Variants in CSNK1D observed in about 807,000 individuals in gnomAD.
CSNK1D encodes casein kinase I isoform delta.
In CSNK1D, 16 loss-of-function variants were observed where a neutral mutation model predicts 46.6. The ratio of observed to expected loss-of-function variants is 0.34; its 90% CI spans 0.23 to 0.52. CSNK1D has a LOEUF of 0.52. CSNK1D is among the 20% of genes least tolerant of loss of function. The probability of loss-of-function intolerance (pLI) is 0.95; values close to 1 mark genes in which losing one functional copy is unlikely to be tolerated. For missense variants in CSNK1D, 398 were observed against 578.4 expected (o/e 0.69, Z 3.20); for synonymous variants, 276 against 228.2 (o/e 1.21, Z -1.89).
intron 2 of CSNK1D, chr17:82,265,196 G>C (rs966100405): frequency 5.3e-6 from 1 of 190,110 alleles, no homozygotes; most frequent in African/African-American, 2.4e-5. Context: ...TTTTTTTGGG[G>C]GGGACAGGGT....
chr17:82,248,070 C>T lies in CSNK1D; in HGVS notation c.1197+805G>A. ...AGCCAGGCTCCAGGGCATTTCTGAA[C>T]TGAGTTCCTGCTCATCCGGAAGACC... On this transcript the variant is annotated intron_variant, in intron 8 of 8. Coordinates refer to ENST00000314028, the MANE Select transcript of CSNK1D (RefSeq NM_001893.6). The surrounding 1 kb of genome is among the most constrained non-coding windows in gnomAD (Gnocchi z 4.1). The T allele has an allele frequency of 3.0e-6, 3 of 985,508 alleles. No homozygotes were observed. The highest frequency in any genetic ancestry group is 3.6e-6 in the Non-Finnish European group (3 of 829,956). 61.0% of individuals were successfully genotyped at this position (985,508 alleles called of 1,614,324 possible). A position where few individuals can be genotyped will look rare whatever the true frequency, so the allele number is the denominator to read the frequency against.
intron 2 of CSNK1D, among the ~76,000 whole-genome samples, chr17:82,259,593 C>G (rs1055151265): frequency 6.6e-6 from 1 of 152,244 alleles, no homozygotes; most frequent in East Asian, 1.9e-4. Flanking sequence ...CAACTTCACA[C>G]GTAGGTGCTG....
chr17:82,270,453 C>T (rs2051590772), intron 1 of CSNK1D, among the ~76,000 whole-genome samples: 1 of 152,188 alleles, frequency 6.6e-6, no homozygotes, highest in Admixed American at 6.5e-5. Context: ...ACCAAAGTGA[C>T]AACAGTAGGA....
chr17:82,251,548 A>T lies in CSNK1D; in HGVS notation c.737-21T>A, dbSNP rs766997893. On this transcript the variant is annotated intron_variant, in intron 5 of 8. Transcript: ENST00000314028. The surrounding 1 kb of genome is among the most constrained non-coding windows in gnomAD (Gnocchi z 4.5). ...TTCGGCTACAAAACAAGAAACTCAA[A>T]GCTAACTCATGAAACCCAACTGCGA... 6.2e-7 allele frequency: 1 copy of T among 1,613,580 alleles called. No individual in the cohort carries two copies. Among genetic ancestry groups the T allele is most frequent in the Non-Finnish European group, 8.5e-7 (1 of 1,179,818 alleles).
At chr17:82,272,260 C>A (rs2051644916) in intron 1 of CSNK1D, 1 of 153,082 alleles carries the variant, frequency 6.5e-6, no homozygotes, top group African/African-American at 2.4e-5. Context: ...AGGAGAATCG[C>A]TTGAACCTGG....
intron 2 of CSNK1D, among the ~76,000 whole-genome samples, chr17:82,257,340 G>T (rs369063235): frequency 1.3e-5 from 2 of 152,068 alleles, no homozygotes; most frequent in East Asian, 3.8e-4. Flanking sequence ...GACTTTTCAT[G>T]AATATGAATG....
chr17:82,267,833 A>G (rs2051517515), intron 1 of CSNK1D, among the ~76,000 whole-genome samples: 1 of 152,214 alleles, frequency 6.6e-6, no homozygotes, highest in South Asian at 2.1e-4. Flanking sequence ...GCCAGCTGGC[A>G]GCCCAGTGAC....
In CSNK1D at chr17:82,273,262, G is replaced by C; in HGVS notation, c.76+44C>G. On this transcript the variant is annotated intron_variant, in intron 1 of 8. Transcript: ENST00000314028. This position sits in a 1 kb window ranked among gnomAD's most constrained non-coding sequence, Gnocchi z 5.1. ...ATCGCGCTTGGTCTTGGCAGCCGCA[G>C]GGCCCGGGTCTTCGGGCGGCGGGCG... 1 of 1,572,688 alleles carries C rather than the reference G, an allele frequency of 6.4e-7. No individual in the cohort carries two copies. The highest frequency in any genetic ancestry group is 8.6e-7 in the Non-Finnish European group (1 of 1,157,806).
chr17:82,246,118 G>A, intron 8 of CSNK1D: 1 of 1,553,438 alleles, frequency 6.4e-7, no homozygotes, highest in East Asian at 2.4e-5. Flanking sequence ...TGTCCAGATG[G>A]GCATCCTTGC....
downstream of CSNK1D, among the ~76,000 whole-genome samples, chr17:82,241,527 C>T (rs565025663): frequency 1.5e-4 from 23 of 151,640 alleles, no homozygotes; most frequent in Non-Finnish European, 2.5e-4. Context: ...TGCTCCCTCT[C>T]AGGGCAGGGA....
Position 82,249,625 on chromosome 17 carries a change from C to G in CSNK1D, c.886-23G>C, listed in dbSNP as rs967296182. ...ACCCTGAGGAGGCAGGAGGTGAGGCCGGAATGGAACCAGCTTTGGCAGAAA... is the reference window on the plus strand; with the variant it reads ...ACCCTGAGGAGGCAGGAGGTGAGGCGGGAATGGAACCAGCTTTGGCAGAAA... On this transcript the variant is annotated intron_variant, in intron 6 of 8. Transcript: ENST00000314028. This position sits in a 1 kb window ranked among gnomAD's most constrained non-coding sequence, Gnocchi z 6.7. 10 of 1,556,198 alleles carry G rather than the reference C, an allele frequency of 6.4e-6. No homozygotes were observed. The highest frequency in any genetic ancestry group is 8.6e-6 in the Non-Finnish European group (10 of 1,156,438).
chr17:82,256,397 C>T (rs2051175731), intron 2 of CSNK1D, among the ~76,000 whole-genome samples: 1 of 151,540 alleles, frequency 6.6e-6, no homozygotes, highest in African/African-American at 2.4e-5. Flanking sequence ...TCTGTGGTCC[C>T]AGCTACTTGG....
rs953442356 is a variant in CSNK1D, at chr17:82,249,563, T to C, written c.925A>G (p.Arg309Gly). 4.5e-6 allele frequency: 7 copies of C among 1,553,434 alleles called. No individual in the cohort carries two copies. Among genetic ancestry groups the C allele is most frequent in the Non-Finnish European group, 6.1e-6 (7 of 1,152,068 alleles). Residue 309 changes from arginine to glycine, a missense_variant, in exon 7 of 9, where the codon AGG becomes GGG. By Grantham distance (125) the Arg-to-Gly change is moderately radical (BLOSUM62 -2). This residue lies in a region of CSNK1D where 181 missense variants were observed against 208.0 expected (regional missense o/e 0.87). Transcript: ENST00000314028. This position sits in a 1 kb window ranked among gnomAD's most constrained non-coding sequence, Gnocchi z 6.7. ...TGTCTCAGCCGCTCCTCTCGGTCCC[T>C]GCGCTCCCGCTCGGCGTCATCGGCG... is the stretch of plus-strand genomic sequence containing the variant. ...RAADDAERERRDREERLRHSR... is the reference protein window; with the variant it reads ...RAADDAERERGDREERLRHSR...
intron 2 of CSNK1D, among the ~76,000 whole-genome samples, chr17:82,262,227 G>A (rs965714262): frequency 4.6e-5 from 7 of 152,224 alleles, no homozygotes; most frequent in Admixed American, 6.5e-5. Flanking sequence ...TGAAGGCCAC[G>A]TAGGGTGGCC....
At chr17:82,259,035 T>C (rs1240796949) in intron 2 of CSNK1D, among the ~76,000 whole-genome samples, 4 of 152,234 alleles carry the variant, frequency 2.6e-5, no homozygotes, top group Non-Finnish European at 4.4e-5. Flanking sequence ...TGGATGTCGA[T>C]GGGAACGTCA....
rs1462068387 is a variant in CSNK1D, at chr17:82,250,256, G to A, written c.886-654C>T. ...ACTACAGCCCCGGGGCCAAACCCAG[G>A]TGCCACTTCTTCCTGCAAGTACAGC... On this transcript the variant is annotated intron_variant, in intron 6 of 8. Coordinates refer to ENST00000314028, the MANE Select transcript of CSNK1D (RefSeq NM_001893.6). This position sits in a 1 kb window ranked among gnomAD's most constrained non-coding sequence, Gnocchi z 4.6. 3 of 1,256,880 alleles carry A rather than the reference G, an allele frequency of 2.4e-6. No homozygotes were observed. The highest frequency in any genetic ancestry group is 1.1e-4 in the East Asian group (2 of 17,814). The allele number at this position is 1,256,880 out of a possible 1,614,324, so 77.9% of individuals were successfully genotyped here. A position where few individuals can be genotyped will look rare whatever the true frequency, so the allele number is the denominator to read the frequency against.
intron 8 of CSNK1D, chr17:82,246,959 C>A: frequency 1.0e-6 from 1 of 985,516 alleles, no homozygotes; most frequent in South Asian, 4.7e-5. Context: ...CTGCTGCTCA[C>A]AGCCACCACG....
chr17:82,249,391 C>A lies in CSNK1D; in HGVS notation c.1057+40G>T. On this transcript the variant is annotated intron_variant, in intron 7 of 8. Transcript: ENST00000314028. The surrounding 1 kb of genome is among the most constrained non-coding windows in gnomAD (Gnocchi z 6.7). ...CCAACCCCAAGACACAAGAAGTCAC[C>A]CCAGAGCCAGCCCCAGAGCGCTGGG... 6.5e-7 allele frequency: 1 copy of A among 1,532,030 alleles called. No individual in the cohort carries two copies. Among genetic ancestry groups the A allele is most frequent in the Non-Finnish European group, 8.7e-7 (1 of 1,143,306 alleles). The allele number at this position is 1,532,030 out of a possible 1,614,324, so 94.9% of individuals were successfully genotyped here.
Position 82,273,049 on chromosome 17 carries a change from T to A in CSNK1D, c.76+257A>T. 3.2e-4 allele frequency: 14 copies of A among 44,290 alleles called. No individual in the cohort carries two copies. The highest frequency in any genetic ancestry group is 9.8e-3 in the Middle Eastern group (1 of 102). The allele number at this position is 44,290 out of a possible 1,614,324, so 2.7% of individuals were successfully genotyped here. A position where few individuals can be genotyped will look rare whatever the true frequency, so the allele number is the denominator to read the frequency against. On this transcript the variant is annotated intron_variant, in intron 1 of 8. Transcript: ENST00000314028. This position sits in a 1 kb window ranked among gnomAD's most constrained non-coding sequence, Gnocchi z 5.1. ...ACCCCGGGTCAGCTCCCCTATCCCC[T>A]CCTTCCCCAACCCTCCCCTCTCCAG...
Sources: allele counts gnomAD v4.1 joint callset (sites outside exome capture counted in the v4.1 genomes callset), GRCh38; gene constraint gnomAD v4.1.1; regional missense constraint gnomAD v4.1.1; non-coding constraint Gnocchi (gnomAD v3.1); transcripts MANE v1.5; gene names NCBI Gene and HGNC (gene_info 2026-07-23, HGNC 2026-07-21).